Variants in CTIF observed in about 807,000 individuals in gnomAD.
CTIF encodes the protein CBP80/20-dependent translation initiation factor.
A neutral mutation model predicts 66.0 loss-of-function variants in CTIF; 21 were observed. That is an observed-to-expected ratio of 0.32 (90% CI 0.23 to 0.46). The LOEUF (loss-of-function observed/expected upper bound fraction) is 0.46, where lower values mean the gene tolerates loss of function less well. Ranked by LOEUF, CTIF falls within the 20% of genes least tolerant of loss-of-function variation. CTIF has a pLI of 1.00. For missense variants in CTIF, 739 were observed against 812.7 expected, an observed-to-expected ratio of 0.91 and a Z score of 1.10; for synonymous variants, 345 against 326.4, an observed-to-expected ratio of 1.06 and a Z score of -0.62.
intron 6 of CTIF, among the ~76,000 whole-genome samples, chr18:48,708,059 T>C (rs2092180623): frequency 6.6e-6 from 1 of 152,240 alleles, no homozygotes; most frequent in Non-Finnish European, 1.5e-5. Flanking sequence ...TTCCTTCCTC[T>C]TTATGGCCAT....
Position 48,657,882 on chromosome 18 carries a change from G to A in CTIF, c.253-5870G>A, listed in dbSNP as rs145040693. Among the ~76,000 whole-genome samples, 1,148 of 152,260 alleles carry A rather than the reference G, an allele frequency of 7.5e-3. 10 individuals carry two copies. Among genetic ancestry groups the A allele is most frequent in the African/African-American group, 0.024 (995 of 41,536 alleles). ...GTCCAACGCTTGCCTGGGATGAGCC[G>A]AGCTTGGGTCCCCTTCTTCTCTGTC... On this transcript the variant is annotated intron_variant, in intron 3 of 11. Transcript: ENST00000256413.
In CTIF at chr18:48,599,831, G is replaced by A. The variant is rs138520805; in HGVS notation, c.-28-19707G>A. On this transcript the variant is annotated intron_variant, in intron 1 of 11. Transcript: ENST00000256413. ...CGAAAGGGTGACCCCTGTGTCTTGC[G>A]TAGATGGACAAGGCCCCCAGTGTGA... Among the ~76,000 whole-genome samples, 366 of 152,320 alleles carry A rather than the reference G, an allele frequency of 2.4e-3. 2 individuals are homozygous for A. Among genetic ancestry groups the A allele is most frequent in the African/African-American group, 8.1e-3 (336 of 41,568 alleles).
intron 6 of CTIF, among the ~76,000 whole-genome samples, chr18:48,685,850 T>G (rs1407770982): frequency 1.3e-5 from 2 of 152,058 alleles, no homozygotes; most frequent in Non-Finnish European, 2.9e-5. Context: ...CTAATTTTTG[T>G]ATTTTTAGTA....
intron 6 of CTIF, among the ~76,000 whole-genome samples, chr18:48,676,166 C>T (rs1416217764): frequency 6.6e-6 from 1 of 152,170 alleles, no homozygotes; most frequent in Non-Finnish European, 1.5e-5. Flanking sequence ...CCTAGGTGAG[C>T]ATTAGATTTC....
At position 48,761,887 on chromosome 18, in the gene CTIF, G is replaced by A. The variant is rs550600446; in HGVS notation, c.1371+198G>A. 2.2e-4 allele frequency among the ~76,000 whole-genome samples: 34 copies of A among 152,342 alleles called. No individual in the cohort carries two copies. Among genetic ancestry groups the A allele is most frequent in the African/African-American group, 7.9e-4 (33 of 41,570 alleles). ...GCTGGATTTGTGTGTGTTTATGTGT[G>A]GGCTCCCTGGTTACAATGGACCAAT... On this transcript the variant is annotated intron_variant, in intron 9 of 11. Coordinates refer to ENST00000256413, the MANE Select transcript of CTIF (RefSeq NM_014772.3). The surrounding 1 kb of genome is among the most constrained non-coding windows in gnomAD (Gnocchi z 4.2).
intron 6 of CTIF, among the ~76,000 whole-genome samples, chr18:48,698,937 G>A (rs2092045413): frequency 6.6e-6 from 1 of 152,136 alleles, no homozygotes; most frequent in African/African-American, 2.4e-5. Context: ...CACCACATAA[G>A]CCTCAGCAGA....
chr18:48,724,630 G>T (rs1415083195), intron 7 of CTIF, among the ~76,000 whole-genome samples: 1 of 152,206 alleles, frequency 6.6e-6, no homozygotes, highest in Non-Finnish European at 1.5e-5. Context: ...CCCTACAGCT[G>T]CTGGGCGGGG....
intron 3 of CTIF, among the ~76,000 whole-genome samples, chr18:48,643,215 TA>T (rs1233246725): frequency 6.6e-6 from 1 of 152,176 alleles, no homozygotes; most frequent in Non-Finnish European, 1.5e-5. Flanking sequence ...AATCAACTTG[TA>T]AAAGGCAGAT....
At chr18:48,591,566 A>G (rs2089887954) in intron 1 of CTIF, among the ~76,000 whole-genome samples, 1 of 152,222 alleles carries the variant, frequency 6.6e-6, no homozygotes. Context: ...GAGTGCAGCT[A>G]AAGGCTTAGC....
intron 10 of CTIF, among the ~76,000 whole-genome samples, chr18:48,852,040 T>C (rs1354350576): frequency 8.6e-5 from 13 of 151,890 alleles, no homozygotes; most frequent in Non-Finnish European, 1.5e-4. Flanking sequence ...AAAACCAGCC[T>C]GGGCAACATA....
chr18:48,774,283 C>T (rs1910459530), intron 9 of CTIF, among the ~76,000 whole-genome samples: 1 of 152,172 alleles, frequency 6.6e-6, no homozygotes, highest in African/African-American at 2.4e-5. Context: ...AGAAGCAGAA[C>T]CATGGGCACA....
At chr18:48,796,466 A>G (rs557030180) in intron 9 of CTIF, among the ~76,000 whole-genome samples, 1 of 152,228 alleles carries the variant, frequency 6.6e-6, no homozygotes, top group South Asian at 2.1e-4. Flanking sequence ...GTGAGCCACC[A>G]CACCTGGCCT....
chr18:48,734,422 C>T (rs892346276), intron 7 of CTIF, among the ~76,000 whole-genome samples: 2 of 152,084 alleles, frequency 1.3e-5, no homozygotes, highest in Admixed American at 6.6e-5. Context: ...AAAAATTAGC[C>T]GGGTTTGGTG....
intron 10 of CTIF, among the ~76,000 whole-genome samples, chr18:48,825,607 A>G (rs1389983106): frequency 6.6e-6 from 1 of 152,178 alleles, no homozygotes; most frequent in Non-Finnish European, 1.5e-5. Context: ...CATTCTTCAG[A>G]GGCACCTTTC....
chr18:48,599,057 C>T lies in CTIF; in HGVS notation c.-28-20481C>T, dbSNP rs180765439. 3.3e-5 allele frequency among the ~76,000 whole-genome samples: 5 copies of T among 152,260 alleles called. No homozygotes were observed. The East Asian group carries it at 9.7e-4, about 29-fold the overall frequency. ...CTGCGTGGGAGGACTGCCCACCCGA[C>T]GGGGGCCTGAGAGCTTTAACAGAGC... On this transcript the variant is annotated intron_variant, in intron 1 of 11. Coordinates refer to ENST00000256413, the MANE Select transcript of CTIF (RefSeq NM_014772.3).
chr18:48,848,021 G>A (rs891471007), intron 10 of CTIF, among the ~76,000 whole-genome samples: 3 of 152,162 alleles, frequency 2.0e-5, no homozygotes, highest in Non-Finnish European at 2.9e-5. Context: ...GGGTGGATGG[G>A]CCAGCTGTCC....
chr18:48,804,737 T>C (rs62103294), intron 9 of CTIF, among the ~76,000 whole-genome samples: 40,673 of 151,074 alleles, frequency 0.27, 5,926 homozygotes, highest in Admixed American at 0.37. Context: ...AGAGGCAGGG[T>C]CCATGGGCTG....
chr18:48,700,674 C>T (rs532768286), intron 6 of CTIF, among the ~76,000 whole-genome samples: 49 of 152,332 alleles, frequency 3.2e-4, no homozygotes, highest in African/African-American at 1.2e-3. Context: ...CCGTGCCTCT[C>T]TCACTCTAAC....
chr18:48,800,783 C>A (rs548165775), intron 9 of CTIF, among the ~76,000 whole-genome samples: 1 of 152,218 alleles, frequency 6.6e-6, no homozygotes, highest in Admixed American at 6.5e-5. Flanking sequence ...GAGTGGGAGT[C>A]GGACCAGAGT....
Sources: gnomAD v4.1 joint callset for allele counts (sites outside exome capture counted in the v4.1 genomes callset) on GRCh38, gnomAD v4.1.1 for gene constraint, Gnocchi (gnomAD v3.1) non-coding constraint, MANE v1.5 for transcripts, NCBI Gene and HGNC (gene_info 2026-07-23, HGNC 2026-07-21) for gene names.